TRIO: variants seen among roughly 807,000 people sequenced by gnomAD.
TRIO encodes the protein trio Rho guanine nucleotide exchange factor.
TRIO carries 58 observed loss-of-function variants against 351.9 expected under a neutral mutation model. That is an observed-to-expected ratio of 0.16 (90% CI 0.13 to 0.21). The LOEUF (loss-of-function observed/expected upper bound fraction) is 0.21. Ranked by LOEUF, TRIO falls within the 10% of genes least tolerant of loss-of-function variation. TRIO has a pLI of 1.00. For synonymous variants in TRIO, 1,758 were observed against 1,595.7 expected, an observed-to-expected ratio of 1.10 and a Z score of -2.42; for missense variants, 3,201 against 4,027.8, an observed-to-expected ratio of 0.79 and a Z score of 5.56.
intron 34 of TRIO, among the ~76,000 whole-genome samples, chr5:14,460,328 G>A (rs917695613): frequency 3.9e-5 from 6 of 152,038 alleles, no homozygotes; most frequent in Non-Finnish European, 8.8e-5. Context: ...GTGTGCCGCC[G>A]TGGCCTGGCC....
intron 39 of TRIO, among the ~76,000 whole-genome samples, chr5:14,473,054 C>T (rs558876296): frequency 7.9e-5 from 12 of 152,278 alleles, no homozygotes; most frequent in Non-Finnish European, 1.3e-4. Context: ...GCTGTGGGTT[C>T]GGTTCCATCC....
intron 39 of TRIO, among the ~76,000 whole-genome samples, chr5:14,473,767 T>G (rs565848711): frequency 1.2e-3 from 179 of 152,376 alleles, no homozygotes; most frequent in Middle Eastern, 6.8e-3. Flanking sequence ...CTGTGAATGC[T>G]GAACAGTCCA....
At chr5:14,349,083 G>A (rs1169889457) in intron 11 of TRIO, among the ~76,000 whole-genome samples, 2 of 150,156 alleles carry the variant, frequency 1.3e-5, no homozygotes, top group Non-Finnish European at 3.0e-5. Flanking sequence ...ATGCACATGA[G>A]CATGTGTGTT....
chr5:14,380,043 T>C (rs154151), intron 20 of TRIO, among the ~76,000 whole-genome samples: 42,217 of 152,040 alleles, frequency 0.28, 6,027 homozygotes, highest in Middle Eastern at 0.37. Context: ...GGCTTGTTCT[T>C]ATCTCTCTTT....
intron 4 of TRIO, among the ~76,000 whole-genome samples, chr5:14,289,217 T>G (rs1736702429): frequency 6.6e-6 from 1 of 152,070 alleles, no homozygotes; most frequent in African/African-American, 2.4e-5. Flanking sequence ...AAACTCCATC[T>G]CTACTAAAAA....
intron 1 of TRIO, among the ~76,000 whole-genome samples, chr5:14,240,177 G>A (rs978812004): frequency 1.3e-5 from 2 of 152,236 alleles, no homozygotes; most frequent in African/African-American, 4.8e-5. Context: ...GTGGAATGAG[G>A]CTTGAGAAAC....
At chr5:14,360,755 T>C (rs896895158) in intron 13 of TRIO, among the ~76,000 whole-genome samples, 1 of 152,230 alleles carries the variant, frequency 6.6e-6, no homozygotes, top group Non-Finnish European at 1.5e-5. Flanking sequence ...TGCGCAGGAC[T>C]CTCCTGGATG....
At chr5:14,144,473 A>G (rs530464639) in intron 1 of TRIO, among the ~76,000 whole-genome samples, 1 of 151,912 alleles carries the variant, frequency 6.6e-6, no homozygotes, top group Non-Finnish European at 1.5e-5. Flanking sequence ...CACGGCACTC[A>G]CTGCCCAGGG....
chr5:14,366,183 A>T (rs768999492), intron 15 of TRIO, among the ~76,000 whole-genome samples: 4 of 152,086 alleles, frequency 2.6e-5, no homozygotes, highest in African/African-American at 9.7e-5. Context: ...GGGCTTAGAC[A>T]ATAAAAGTAC....
At position 14,352,888 on chromosome 5, in the gene TRIO, GTTTTT is replaced by G. The variant is rs34064494; in HGVS notation, c.2047-5281_2047-5277del. ...TTGCGGGGAATACGCTAGTTTTTGG[GTTTTT>G]TTTTTTTTAACTACCAGGTGGAAGG... On this transcript the variant is annotated intron_variant, in intron 11 of 56. Coordinates refer to ENST00000344204, the MANE Select transcript of TRIO (RefSeq NM_007118.4). Among the ~76,000 whole-genome samples, 501 of 148,310 alleles carry G rather than the reference GTTTTT, an allele frequency of 3.4e-3. 3 individuals are homozygous for G. Among genetic ancestry groups the G allele is most frequent in the Non-Finnish European group, 5.9e-3 (396 of 66,998 alleles).
chr5:14,378,342 C>T (rs1183080938), intron 20 of TRIO, among the ~76,000 whole-genome samples: 2 of 152,206 alleles, frequency 1.3e-5, no homozygotes, highest in African/African-American at 4.8e-5. Flanking sequence ...GTGTGCCTTC[C>T]CCTACTGTCT....
rs561543933 is a variant in TRIO at position 14,157,932 on chromosome 5, C to T, written c.157+14050C>T. On this transcript the variant is annotated intron_variant, in intron 1 of 56. Coordinates refer to ENST00000344204, the MANE Select transcript of TRIO (RefSeq NM_007118.4). ...TTAAATGATGACACGGATATTACGT[C>T]GCTGACTTGGGGAGACAGTCTCAGT... is the stretch of plus-strand genomic sequence containing the variant. Among the ~76,000 whole-genome samples the T allele has an allele frequency of 7.5e-4, 114 of 152,158 alleles. 1 individual carries two copies. The highest frequency in any genetic ancestry group is 2.7e-3 in the South Asian group (13 of 4,824).
Position 14,487,738 on chromosome 5 carries a change from C to A in TRIO, c.7110C>A (p.Ser2370=). ...AGGCAGACAAGATGTCAGGTACGTC[C>A]ACCCCCGGGCCCTCCCTGCCTCCCC... ...QAEADKMSGT[S]TPGPSLPPPG... The change falls in exon 48 of 57, where the codon TCC becomes TCA. Residue 2370 remains serine, a synonymous_variant. Transcript: ENST00000344204. 1 of 1,417,410 alleles carries A rather than the reference C, an allele frequency of 7.1e-7. No homozygotes were observed. The allele number at this position is 1,417,410 out of a possible 1,614,324, so 87.8% of individuals were successfully genotyped here.
chr5:14,349,235 T>G (rs11949708), intron 11 of TRIO, among the ~76,000 whole-genome samples: 13,491 of 141,466 alleles, frequency 0.095, 894 homozygotes, highest in African/African-American at 0.2. Context: ...TCCTGTGTGT[T>G]TGTGTGTGCA....
At chr5:14,374,135 G>C (rs1436411306) in intron 18 of TRIO, 94 bp from the exon 19 acceptor site, 2 of 804,226 alleles carry the variant, frequency 2.5e-6, no homozygotes, top group Non-Finnish European at 3.9e-6. Context: ...AAATATTTTA[G>C]GTAAAGACAT....
chr5:14,319,281 T>C (rs988609563), intron 9 of TRIO, among the ~76,000 whole-genome samples: 1 of 152,234 alleles, frequency 6.6e-6, no homozygotes, highest in Non-Finnish European at 1.5e-5. Flanking sequence ...TGATCTGGAA[T>C]GGTCTGGACT....
intron 19 of TRIO, 35 bp downstream of exon 19, chr5:14,374,378 G>GTGCA (rs1561408846): frequency 6.4e-7 from 1 of 1,555,818 alleles, no homozygotes; most frequent in East Asian, 2.3e-5. Context: ...GGGTGGCCCA[G>GTGCA]TGCATGCCTG....
chr5:14,305,264 C>T (rs560221192), intron 8 of TRIO, among the ~76,000 whole-genome samples: 11 of 152,352 alleles, frequency 7.2e-5, no homozygotes, highest in African/African-American at 2.6e-4. Flanking sequence ...CCACCCTCTG[C>T]GGCCTCTGTG....
intron 1 of TRIO, among the ~76,000 whole-genome samples, chr5:14,192,272 C>T (rs1355529469): frequency 6.8e-6 from 1 of 147,578 alleles, no homozygotes; most frequent in African/African-American, 2.5e-5. Flanking sequence ...TTTTTTTTTT[C>T]CCCCAAGAAC....
Sources: gnomAD v4.1 joint callset for allele counts (sites outside exome capture counted in the v4.1 genomes callset) on GRCh38, gnomAD v4.1.1 for gene constraint, MANE v1.5 for transcripts, NCBI Gene and HGNC (gene_info 2026-07-23, HGNC 2026-07-21) for gene names.